ZBTB45: variants seen among roughly 807,000 people sequenced by gnomAD.
The protein encoded by ZBTB45 is zinc finger and BTB domain-containing protein 45.
A neutral mutation model predicts 28.4 loss-of-function variants in ZBTB45; 22 were observed. The ratio of observed to expected loss-of-function variants is 0.77; its 90% confidence interval spans 0.55 to 1.10. The LOEUF (loss-of-function observed/expected upper bound fraction) is 1.10, where lower values mean the gene tolerates loss of function less well. Among genes scored for constraint, ZBTB45 ranks in the 50% least tolerant of loss-of-function variants. The pLI is 0.00. For missense variants in ZBTB45, 656 were observed against 750.2 expected (o/e 0.87, Z 1.47); for synonymous variants, 361 against 332.3 (o/e 1.09, Z -0.94).
rs2053524870 is a variant in ZBTB45 at position 58,517,429 on chromosome 19, T to C, written c.245A>G (p.Gln82Arg). The C allele has an allele frequency of 6.2e-7, 1 of 1,612,812 alleles. No individual in the cohort carries two copies. The highest frequency in any genetic ancestry group is 1.3e-5 in the African/African-American group (1 of 74,928). The part of the protein sequence containing the change: ...PPVVPAQTVR[Q>R]LVEFLYSGSL... ...ACCGCTGTACAGGAACTCTACCAGC[T>C]GTCGCACTGTCTGCGCGGGCACCAC... Residue 82 changes from glutamine to arginine, a missense_variant, in exon 2 of 3, where the codon CAG (glutamine) becomes CGG (arginine). Physicochemically the swap from Gln to Arg is conservative, Grantham distance 43. Coordinates refer to ENST00000594051, the MANE Select transcript of ZBTB45 (RefSeq NM_001316979.2).
At chr19:58,518,136 T>G (rs2053539163) in intron 1 of ZBTB45, among the ~76,000 whole-genome samples, 2 of 151,766 alleles carry the variant, frequency 1.3e-5, no homozygotes, top group African/African-American at 4.8e-5. Context: ...CGAGTAGACC[T>G]TGCTCTCTAC....
At chr19:58,528,766 C>T (rs1285491700) in intron 1 of ZBTB45, among the ~76,000 whole-genome samples, 3 of 150,756 alleles carry the variant, frequency 2.0e-5, no homozygotes, top group South Asian at 2.1e-4. Flanking sequence ...TGGTGGCATG[C>T]GCCTGTAGTG....
chr19:58,514,413 C>T, intron 2 of ZBTB45, 103 bp from the exon 3 acceptor site: 2 of 1,358,402 alleles, frequency 1.5e-6, no homozygotes, highest in Admixed American at 2.8e-5. Context: ...GCAGGGGCTC[C>T]CCTCCCCTCC....
Position 58,516,447 on chromosome 19 carries a change from G to C in ZBTB45, c.1227C>G (p.Arg409=). The C allele has an allele frequency of 1.2e-6, 2 of 1,614,008 alleles. No homozygotes were observed. The highest frequency in any genetic ancestry group is 2.7e-5 in the African/African-American group (2 of 75,034). The change falls in exon 2 of 3, where the codon CGC becomes CGG. Residue 409 remains arginine (R), a synonymous_variant. Transcript: ENST00000594051. The surrounding 1 kb of genome is among the most constrained non-coding windows in gnomAD (Gnocchi z 6.2). The stretch of plus-strand genomic sequence containing the variant: ...AGTTTTTCCGGGAGCTGAACGTCTT[G>C]CGACAGTGGCTGCACTCATACGTAG... ...EPPTYECSHC[R]KTFSSRKNYT... is the part of the protein sequence containing the mutation.
chr19:58,533,404 T>C (rs1188278539), intron 1 of ZBTB45, among the ~76,000 whole-genome samples: 18 of 152,278 alleles, frequency 1.2e-4, no homozygotes, highest in Non-Finnish European at 2.5e-4. Context: ...CAACGATGCA[T>C]AGAAGACAAG....
rs1299634375 is a variant in ZBTB45 at position 58,516,798 on chromosome 19, G to C, written c.876C>G (p.His292Gln). ...CTTCGGGGACAGCGCCATCCTCGTC[G>C]TGCCAAGTGGATACATAGCTGTCTG... ...VFPDSYVSTW[H>Q]DEDGAVPEGC... The change falls in exon 2 of 3, where the codon CAC becomes CAG. Residue 292 changes from histidine to glutamine, a missense_variant. By Grantham distance (24) the His-to-Gln change is conservative. This residue lies in a region of ZBTB45 where 448 missense variants were observed against 444.3 expected (regional missense o/e 1.01). Coordinates refer to ENST00000594051, the MANE Select transcript of ZBTB45 (RefSeq NM_001316979.2). The surrounding 1 kb of genome is among the most constrained non-coding windows in gnomAD (Gnocchi z 6.2). 1.2e-6 allele frequency: 2 copies of C among 1,613,746 alleles called. No individual in the cohort carries two copies. The highest frequency in any genetic ancestry group is 1.3e-5 in the African/African-American group (1 of 74,900).
intron 1 of ZBTB45, among the ~76,000 whole-genome samples, chr19:58,527,121 T>C (rs2053612260): frequency 1.3e-5 from 2 of 152,158 alleles, no homozygotes; most frequent in South Asian, 4.1e-4. Context: ...AGATAATACA[T>C]CCACTGAAGC....
At chr19:58,530,029 C>A (rs760639701) in intron 1 of ZBTB45, among the ~76,000 whole-genome samples, 2 of 152,090 alleles carry the variant, frequency 1.3e-5, no homozygotes, top group Non-Finnish European at 2.9e-5. Flanking sequence ...GTTACAAAAC[C>A]CTGTCTCTAC....
At chr19:58,529,936 A>G (rs1178113552) in intron 1 of ZBTB45, among the ~76,000 whole-genome samples, 2 of 152,090 alleles carry the variant, frequency 1.3e-5, no homozygotes, top group Non-Finnish European at 2.9e-5. Context: ...GTGGTGGCTC[A>G]TGATGCCTGT....
chr19:58,537,198 T>C (rs1170795927), intron 1 of ZBTB45, among the ~76,000 whole-genome samples: 2 of 152,106 alleles, frequency 1.3e-5, no homozygotes, highest in African/African-American at 4.8e-5. Flanking sequence ...CCCCGACTGG[T>C]GTCCTGGCAC....
Position 58,516,619 on chromosome 19 carries a change from G to A in ZBTB45, c.1055C>T (p.Pro352Leu), listed in dbSNP as rs749430188. Reference protein sequence around the residue: ...PAPPPSAPSGPAPAPPPAFYP... With the variant: ...PAPPPSAPSGLAPAPPPAFYP... Reference sequence around the variant, plus strand: ...GAAGGCGGGTGGGGGCGCAGGGGCTGGCCCCGATGGTGCTGAAGGGGGTGG... The same window carrying A: ...GAAGGCGGGTGGGGGCGCAGGGGCTAGCCCCGATGGTGCTGAAGGGGGTGG... Residue 352 changes from proline to leucine, a missense_variant, in exon 2 of 3, where the codon CCA becomes CTA. Pro to Leu is a moderately conservative substitution (Grantham distance 98). Coordinates refer to ENST00000594051, the MANE Select transcript of ZBTB45 (RefSeq NM_001316979.2). The surrounding 1 kb of genome is among the most constrained non-coding windows in gnomAD (Gnocchi z 6.2). The A allele has an allele frequency of 2.6e-6, 4 of 1,560,544 alleles. No individual in the cohort carries two copies. The Middle Eastern group carries it at 6.8e-4, about 266-fold the overall frequency.
At chr19:58,522,876 G>A (rs575289699), upstream of ZBTB45, among the ~76,000 whole-genome samples, 2 of 152,056 alleles carry the variant, frequency 1.3e-5, no homozygotes, top group Non-Finnish European at 2.9e-5. Flanking sequence ...AGTGTGTTGA[G>A]GGGGGGAAGC....
chr19:58,514,382 CCACCT>C, intron 2 of ZBTB45, 72 bp from the exon 3 acceptor site: 1 of 1,320,628 alleles, frequency 7.6e-7, no homozygotes, highest in South Asian at 1.4e-5. Flanking sequence ...CACCCCACCC[CCACCT>C]GGGCTCCTGG....
At position 58,516,262 on chromosome 19, in the gene ZBTB45, G is replaced by C; in HGVS notation, c.1279+133C>G. The C allele has an allele frequency of 1.7e-6, 2 of 1,170,962 alleles. No homozygotes were observed. The highest frequency in any genetic ancestry group is 2.5e-4 in the Middle Eastern group (1 of 3,952). 72.5% of individuals were successfully genotyped at this position (1,170,962 alleles called of 1,614,324 possible). ...CCACATACCTTGCACTTGGGGGAAG[G>C]CTCAATTTCTAGGCCCCCTGCTAAC... is the stretch of plus-strand genomic sequence containing the variant. On this transcript the variant is annotated intron_variant, in intron 2 of 2. Coordinates refer to ENST00000594051, the MANE Select transcript of ZBTB45 (RefSeq NM_001316979.2). The surrounding 1 kb of genome is among the most constrained non-coding windows in gnomAD (Gnocchi z 6.2).
intron 1 of ZBTB45, among the ~76,000 whole-genome samples, chr19:58,537,454 T>C (rs1463862033): frequency 6.6e-6 from 1 of 152,068 alleles, no homozygotes; most frequent in Non-Finnish European, 1.5e-5. Flanking sequence ...CCAAGGTGTG[T>C]TGCCAGGGCC....
chr19:58,517,027 T>C lies in ZBTB45; in HGVS notation c.647A>G (p.Asp216Gly). 1 of 1,613,270 alleles carries C rather than the reference T, an allele frequency of 6.2e-7. No individual in the cohort carries two copies. Among genetic ancestry groups the C allele is most frequent in the Non-Finnish European group, 8.5e-7 (1 of 1,180,010 alleles). Residue 216 changes from aspartate to glycine, a missense_variant, in exon 2 of 3, where the codon GAT becomes GGT. Asp to Gly is a moderately conservative substitution (Grantham distance 94). Transcript: ENST00000594051. ...RGDEDDEESDDETDGEDGEGG... is the reference protein window; with the variant it reads ...RGDEDDEESDGETDGEDGEGG... ...TTCGCCATCCTCGCCATCGGTCTCA[T>C]CGTCACTTTCCTCGTCATCCTCGTC...
upstream of ZBTB45, among the ~76,000 whole-genome samples, chr19:58,521,669 C>T (rs1041532427): frequency 6.6e-6 from 1 of 152,152 alleles, no homozygotes; most frequent in African/African-American, 2.4e-5. Context: ...AGATCCAGGG[C>T]CTCCACACAG....
At position 58,524,847 on chromosome 19, in the gene ZBTB45, C is replaced by G. The variant is rs574558420; in HGVS notation, c.1-7174G>C. 2.4e-3 allele frequency among the ~76,000 whole-genome samples: 356 copies of G among 151,026 alleles called. 1 individual carries two copies. Among genetic ancestry groups the G allele is most frequent in the African/African-American group, 8.2e-3 (337 of 41,210 alleles). On this transcript the variant is annotated intron_variant, in intron 1 of 1. Transcript: ENST00000600130. ...GCAGTGAGCCGAGATTGCGCCACTG[C>G]ACTCCAGCCTGGGCGACAGAGTGAG... is the stretch of plus-strand genomic sequence containing the variant.
At chr19:58,530,905 G>C (rs566721671) in intron 1 of ZBTB45, among the ~76,000 whole-genome samples, 6 of 151,854 alleles carry the variant, frequency 4.0e-5, no homozygotes, top group African/African-American at 1.2e-4. Context: ...GGATGGTCTC[G>C]ATCTCCCGAC....
Sources: gnomAD v4.1 joint callset for allele counts (sites outside exome capture counted in the v4.1 genomes callset) on GRCh38, gnomAD v4.1.1 for gene constraint, gnomAD v4.1.1 regional missense constraint, Gnocchi (gnomAD v3.1) non-coding constraint, MANE v1.5 for transcripts, NCBI Gene and HGNC (gene_info 2026-07-23, HGNC 2026-07-21) for gene names.